The following XPR1 variants were observed in gnomAD, a reference collection of about 807,000 sequenced individuals.
XPR1 encodes xenotropic and polytropic retrovirus receptor 1.
XPR1 carries 28 observed loss-of-function variants against 87.5 expected under a neutral mutation model. The ratio of observed to expected loss-of-function variants is 0.32; its 90% CI spans 0.24 to 0.44. XPR1 has a LOEUF of 0.44. XPR1 is among the 20% of genes least tolerant of loss of function. XPR1 has a pLI of 1.00. For synonymous variants in XPR1, 300 were observed against 306.1 expected, an observed-to-expected ratio of 0.98 and a Z score of 0.21; for missense variants, 559 against 862.3, an observed-to-expected ratio of 0.65 and a Z score of 4.41.
chr1:180,762,527 A>G (rs920180546), intron 2 of XPR1, among the ~76,000 whole-genome samples: 3 of 152,172 alleles, frequency 2.0e-5, no homozygotes, highest in Non-Finnish European at 2.9e-5. Flanking sequence ...ACAAGCAAAG[A>G]TCTTTCATGG....
intron 7 of XPR1, among the ~76,000 whole-genome samples, chr1:180,817,108 A>T (rs1048659827): frequency 6.6e-6 from 1 of 152,166 alleles, no homozygotes; most frequent in African/African-American, 2.4e-5. Flanking sequence ...AATAAAAATT[A>T]AAAAATGTAA....
chr1:180,889,360 A>G lies in XPR1; in HGVS notation c.*5294A>G, dbSNP rs1653113856. ...TACTTGACTAAACTTCCACCATATT[A>G]CCTTAGTTCTTCCTATGCCCTTTCC... On this transcript the variant is annotated 3_prime_UTR_variant, in exon 15 of 15. Transcript: ENST00000367590. 1 of 152,226 alleles carries G rather than the reference A, an allele frequency of 6.6e-6. No homozygotes were observed. Among genetic ancestry groups the G allele is most frequent in the Non-Finnish European group, 1.5e-5 (1 of 68,052 alleles). 9.4% of individuals were successfully genotyped at this position (152,226 alleles called of 1,614,324 possible).
chr1:180,755,622 A>G (rs1647707876), intron 2 of XPR1, among the ~76,000 whole-genome samples: 1 of 152,214 alleles, frequency 6.6e-6, no homozygotes, highest in Non-Finnish European at 1.5e-5. Context: ...CACTTCCACA[A>G]GCAAACTTCA....
intron 2 of XPR1, among the ~76,000 whole-genome samples, chr1:180,766,611 T>C (rs755497098): frequency 5.3e-5 from 8 of 152,174 alleles, no homozygotes; most frequent in Non-Finnish European, 7.4e-5. Flanking sequence ...AAAAACCTTT[T>C]GTGAAATTGT....
At chr1:180,788,492 T>C (rs7544774) in intron 3 of XPR1, among the ~76,000 whole-genome samples, 51,799 of 151,960 alleles carry the variant, frequency 0.34, 9,181 homozygotes, top group Non-Finnish European at 0.38. Context: ...AATCAGATAG[T>C]TTCATGAGTA....
intron 2 of XPR1, among the ~76,000 whole-genome samples, chr1:180,783,567 T>C (rs1236637556): frequency 2.0e-5 from 3 of 152,094 alleles, no homozygotes; most frequent in Non-Finnish European, 4.4e-5. Context: ...TATTAACTTA[T>C]GTACATATTT....
At chr1:180,703,044 C>G (rs1657406635) in intron 2 of XPR1, among the ~76,000 whole-genome samples, 1 of 152,072 alleles carries the variant, frequency 6.6e-6, no homozygotes, top group South Asian at 2.1e-4. Flanking sequence ...ATTTATGTAG[C>G]TTTAATTAGT....
intron 10 of XPR1, 84 bp downstream of exon 10, chr1:180,835,129 T>A: frequency 4.9e-6 from 7 of 1,436,128 alleles, no homozygotes; most frequent in Middle Eastern, 3.8e-4. Context: ...AAAGTTAAGG[T>A]CATGATGAAA....
At chr1:180,653,950 TTTGG>T (rs1324868157) in intron 1 of XPR1, among the ~76,000 whole-genome samples, 1 of 152,158 alleles carries the variant, frequency 6.6e-6, no homozygotes, top group Non-Finnish European at 1.5e-5. Flanking sequence ...ATTTTTGGAC[TTTGG>T]TTGACCATGG....
At chr1:180,761,162 C>T (rs1258670095) in intron 2 of XPR1, among the ~76,000 whole-genome samples, 1 of 152,038 alleles carries the variant, frequency 6.6e-6, no homozygotes, top group African/African-American at 2.4e-5. Context: ...CCATAAAAAC[C>T]CTAGAAGAAA....
intron 2 of XPR1, among the ~76,000 whole-genome samples, chr1:180,708,837 A>G (rs1657644640): frequency 6.8e-6 from 1 of 146,214 alleles, no homozygotes; most frequent in African/African-American, 2.6e-5. Flanking sequence ...TTGCATTTTT[A>G]AAAGATAATT....
chr1:180,865,535 G>C (rs1267138526), intron 12 of XPR1, among the ~76,000 whole-genome samples: 1 of 151,946 alleles, frequency 6.6e-6, no homozygotes, highest in Admixed American at 6.6e-5. Flanking sequence ...CAAGTAGCTA[G>C]GACTACAGGC....
chr1:180,689,441 A>C (rs1656906304), intron 2 of XPR1, among the ~76,000 whole-genome samples: 1 of 152,210 alleles, frequency 6.6e-6, no homozygotes, highest in Admixed American at 6.5e-5. Flanking sequence ...AGAAAAAAGC[A>C]AATTGTCTCT....
At chr1:180,684,923 A>G (rs1182628751) in intron 2 of XPR1, among the ~76,000 whole-genome samples, 3 of 152,186 alleles carry the variant, frequency 2.0e-5, no homozygotes, top group South Asian at 2.1e-4. Flanking sequence ...CAATCATGTC[A>G]TCTGCAAACA....
chr1:180,743,246 T>A (rs1224128956), intron 2 of XPR1, among the ~76,000 whole-genome samples: 1 of 151,010 alleles, frequency 6.6e-6, no homozygotes, highest in Non-Finnish European at 1.5e-5. Context: ...ATTTTAATAT[T>A]TTTTGTATTT....
chr1:180,661,099 C>G (rs1023132347), intron 1 of XPR1, among the ~76,000 whole-genome samples: 1 of 151,904 alleles, frequency 6.6e-6, no homozygotes, highest in Non-Finnish European at 1.5e-5. Context: ...TATATAGTGA[C>G]CATTTTTATC....
At chr1:180,774,608 C>T (rs1292358111) in intron 2 of XPR1, among the ~76,000 whole-genome samples, 3 of 151,632 alleles carry the variant, frequency 2.0e-5, no homozygotes, top group South Asian at 2.1e-4. Context: ...GGGGTTTCAC[C>T]GTGTTAGCCA....
intron 1 of XPR1, among the ~76,000 whole-genome samples, chr1:180,663,601 G>T (rs1457879376): frequency 6.6e-6 from 1 of 152,182 alleles, no homozygotes; most frequent in African/African-American, 2.4e-5. Context: ...CGAAGCTAGC[G>T]CAACACTGGA....
Position 180,807,371 on chromosome 1 carries a change from A to G in XPR1, c.681+814A>G, listed in dbSNP as rs534427141. ...ACAAATGAGTTTAGCAAGGTTGCCA[A>G]ATACAAGACCAATATGTAAAATCAT... is the stretch of plus-strand genomic sequence containing the variant. On this transcript the variant is annotated intron_variant, in intron 6 of 14. Coordinates refer to ENST00000367590, the MANE Select transcript of XPR1 (RefSeq NM_004736.4). Among the ~76,000 whole-genome samples the G allele has an allele frequency of 2.6e-5, 4 of 152,366 alleles. No homozygotes were observed. In the South Asian group the frequency reaches 8.3e-4, roughly 32 times the overall value.
Sources: allele counts gnomAD v4.1 joint callset (sites outside exome capture counted in the v4.1 genomes callset), GRCh38; gene constraint gnomAD v4.1.1; transcripts MANE v1.5; gene names NCBI Gene and HGNC (gene_info 2026-07-23, HGNC 2026-07-21).